CTHRC1: variants seen among roughly 807,000 people sequenced by gnomAD.
CTHRC1 encodes the protein collagen triple helix repeat containing 1, also known as collagen triple helix repeat-containing protein 1.
CTHRC1 carries 21 observed loss-of-function variants against 25.9 expected under a neutral mutation model. That is an observed-to-expected ratio of 0.81 (90% CI 0.57 to 1.17). CTHRC1 has a LOEUF of 1.17. Among genes scored for constraint, CTHRC1 ranks in the 50% most tolerant of loss-of-function variants. The probability of loss-of-function intolerance (pLI) is 0.00; values close to 1 mark genes in which losing one functional copy is unlikely to be tolerated. For synonymous variants in CTHRC1, 109 were observed against 113.1 expected (o/e 0.96, Z 0.23); for missense variants, 281 against 304.3 (o/e 0.92, Z 0.57).
chr8:103,374,076 C>CT (rs779672154), intron 1 of CTHRC1, among the ~76,000 whole-genome samples: 85 of 151,828 alleles, frequency 5.6e-4, no homozygotes, highest in African/African-American at 1.8e-3. Flanking sequence ...TTTTTCTTTT[C>CT]TTTTTTTTAA....
At position 103,371,663 on chromosome 8, in the gene CTHRC1, C is replaced by A. The variant is rs1815700502; in HGVS notation, c.7C>A (p.Pro3Thr). 1 of 1,533,792 alleles carries A rather than the reference C, an allele frequency of 6.5e-7. No homozygotes were observed. Among genetic ancestry groups the A allele is most frequent in the Non-Finnish European group, 8.8e-7 (1 of 1,141,444 alleles). The change falls in exon 1 of 4, where the codon CCC becomes ACC. Residue 3 changes from proline (P) to threonine (T), a missense_variant. Pro to Thr is a conservative substitution (Grantham distance 38). Coordinates refer to ENST00000330295, the MANE Select transcript of CTHRC1 (RefSeq NM_138455.4). ...TGCCCGGCAGCCGGGAGCCATGCGA[C>A]CCCAGGGCCCCGCCGCCTCCCCGCA... MR[P>T]QGPAASPQRL...
chr8:103,382,857 A>G lies in CTHRC1; in HGVS notation c.*257A>G, dbSNP rs1815938480. On this transcript the variant is annotated 3_prime_UTR_variant, in exon 4 of 4. Transcript: ENST00000330295. ...ACATTCTCTCAACCTATAATTTGGA[A>G]TATTGTTGTGGTCTTTTGTTTTTTC... 2.5e-6 allele frequency: 1 copy of G among 403,046 alleles called. No homozygotes were observed. The highest frequency in any genetic ancestry group is 2.0e-5 in the African/African-American group (1 of 49,122). 25.0% of individuals were successfully genotyped at this position (403,046 alleles called of 1,614,324 possible).
At chr8:103,373,443 C>CT (rs33982219) in intron 1 of CTHRC1, among the ~76,000 whole-genome samples, 39,017 of 149,282 alleles carry the variant, frequency 0.26, 5,901 homozygotes, top group African/African-American at 0.43. Context: ...CCCTTCACAT[C>CT]TTTTTTTTTT....
intron 2 of CTHRC1, 148 bp from the exon 3 acceptor site, chr8:103,377,879 C>T: frequency 1.4e-6 from 1 of 714,634 alleles, no homozygotes; most frequent in Non-Finnish European, 2.4e-6. Context: ...GCTGGGATTA[C>T]AGGTATGAGC....
chr8:103,378,670 G>A (rs938497141), intron 3 of CTHRC1, among the ~76,000 whole-genome samples: 5 of 152,084 alleles, frequency 3.3e-5, no homozygotes, highest in Admixed American at 6.6e-5. Context: ...ACCCTTCCAG[G>A]GAGTCAGATT....
rs112828805 is a variant in CTHRC1 at position 103,374,807 on chromosome 8, T to C, written c.151-931T>C. ...ATACAAACCCTATAAAGTAAGACTC[T>C]TTATTATTATCCACATTTTACAGAT... On this transcript the variant is annotated intron_variant, in intron 1 of 3. Transcript: ENST00000330295. Among the ~76,000 whole-genome samples the C allele has an allele frequency of 4.3e-3, 659 of 152,322 alleles. 4 individuals carry two copies. Among genetic ancestry groups the C allele is most frequent in the African/African-American group, 0.015 (624 of 41,564 alleles).
rs550486218 is a variant in CTHRC1, at chr8:103,373,145, A to G, written c.150+1339A>G. Among the ~76,000 whole-genome samples the G allele has an allele frequency of 8.5e-5, 13 of 152,242 alleles. No individual in the cohort carries two copies. The South Asian group carries it at 2.7e-3, about 32-fold the overall frequency. The stretch of plus-strand genomic sequence containing the variant: ...TGTAGTTATGATACACAAAATACCC[A>G]TTTTTCCTGTGAAGCTTGCTATTTT... On this transcript the variant is annotated intron_variant, in intron 1 of 3. Transcript: ENST00000330295.
chr8:103,382,665 A>G lies in CTHRC1; in HGVS notation c.*65A>G. ...CCTTGGAATGGTTCACTTAAATGAC[A>G]TTTTAAATAAGTTTATGTATACATC... On this transcript the variant is annotated 3_prime_UTR_variant, in exon 4 of 4. Transcript: ENST00000330295. 1 of 1,384,592 alleles carries G rather than the reference A, an allele frequency of 7.2e-7. No individual in the cohort carries two copies. The highest frequency in any genetic ancestry group is 1.4e-5 in the African/African-American group (1 of 70,438). The allele number at this position is 1,384,592 out of a possible 1,614,324, so 85.8% of individuals were successfully genotyped here.
intron 3 of CTHRC1, among the ~76,000 whole-genome samples, chr8:103,378,644 A>T (rs567108836): frequency 1.2e-4 from 18 of 152,308 alleles, no homozygotes; most frequent in Non-Finnish European, 2.2e-4. Flanking sequence ...GAACTTTAAA[A>T]AGAAATGCCT....
At chr8:103,381,566 G>C (rs184090582) in intron 3 of CTHRC1, among the ~76,000 whole-genome samples, 1 of 152,126 alleles carries the variant, frequency 6.6e-6, no homozygotes, top group East Asian at 1.9e-4. Context: ...TAATTGTAAT[G>C]CATAAAAACA....
intron 3 of CTHRC1, among the ~76,000 whole-genome samples, chr8:103,379,503 C>T (rs946321122): frequency 6.6e-6 from 1 of 151,914 alleles, no homozygotes; most frequent in African/African-American, 2.4e-5. Flanking sequence ...TTAATCTCAT[C>T]CTCCAGAGAC....
Position 103,371,727 on chromosome 8 carries a change from T to C in CTHRC1, c.71T>C (p.Leu24Pro), listed in dbSNP as rs1279150022. The change falls in exon 1 of 4, where the codon CTG (leucine) becomes CCG (proline). Residue 24 changes from leucine (L) to proline (P), a missense_variant. Leu to Pro is a moderately conservative substitution (Grantham distance 98). Coordinates refer to ENST00000330295, the MANE Select transcript of CTHRC1 (RefSeq NM_138455.4). ...CTCCTGCTGCTCCTGCTGCTGCAGCTGCCCGCGCCGTCGAGCGCCTCTGAG... is the reference window on the plus strand; with the variant it reads ...CTCCTGCTGCTCCTGCTGCTGCAGCCGCCCGCGCCGTCGAGCGCCTCTGAG... ...RGLLLLLLLQLPAPSSASEIP... is the reference protein window; with the variant it reads ...RGLLLLLLLQPPAPSSASEIP... 2 of 1,535,992 alleles carry C rather than the reference T, an allele frequency of 1.3e-6. No homozygotes were observed. Among genetic ancestry groups the C allele is most frequent in the Admixed American group, 2.0e-5 (1 of 50,062 alleles).
At chr8:103,375,523 G>A (rs1024652663) in intron 1 of CTHRC1, among the ~76,000 whole-genome samples, 7 of 152,104 alleles carry the variant, frequency 4.6e-5, no homozygotes, top group Admixed American at 2.6e-4. Flanking sequence ...GTGTGTGTGC[G>A]TGTAAAGTCT....
intron 3 of CTHRC1, among the ~76,000 whole-genome samples, chr8:103,380,501 C>T (rs1815887774): frequency 6.6e-6 from 1 of 152,200 alleles, no homozygotes; most frequent in African/African-American, 2.4e-5. Flanking sequence ...CAGAGGATGG[C>T]TTAAAGCCTT....
At position 103,382,652 on chromosome 8, in the gene CTHRC1, T is replaced by G. The variant is rs764064307; in HGVS notation, c.*52T>G. The G allele has an allele frequency of 4.1e-6, 6 of 1,459,436 alleles. No homozygotes were observed. Among genetic ancestry groups the G allele is most frequent in the Non-Finnish European group, 4.8e-6 (5 of 1,039,714 alleles). The allele number at this position is 1,459,436 out of a possible 1,614,324, so 90.4% of individuals were successfully genotyped here. On this transcript the variant is annotated 3_prime_UTR_variant, in exon 4 of 4. Coordinates refer to ENST00000330295, the MANE Select transcript of CTHRC1 (RefSeq NM_138455.4). ...TTTTTTTATTATGCCTTGGAATGGT[T>G]CACTTAAATGACATTTTAAATAAGT...
intron 1 of CTHRC1, among the ~76,000 whole-genome samples, chr8:103,375,018 C>A (rs531881252): frequency 6.6e-6 from 1 of 152,166 alleles, no homozygotes; most frequent in African/African-American, 2.4e-5. Flanking sequence ...TGTGGATGGT[C>A]CCCTATTGAG....
At chr8:103,376,080 C>T (rs1815802435) in intron 2 of CTHRC1, 121 bp downstream of exon 2, 1 of 752,228 alleles carries the variant, frequency 1.3e-6, no homozygotes, top group Non-Finnish European at 2.3e-6. Flanking sequence ...AAGTAGGTAG[C>T]ATGTGACTTT....
At chr8:103,376,843 A>G (rs1815814009) in intron 2 of CTHRC1, among the ~76,000 whole-genome samples, 1 of 152,238 alleles carries the variant, frequency 6.6e-6, no homozygotes. Context: ...GTTTTGTGAT[A>G]GAATTTCCAT....
intron 1 of CTHRC1, among the ~76,000 whole-genome samples, chr8:103,373,624 G>A (rs756240048): frequency 2.0e-5 from 3 of 150,210 alleles, no homozygotes; most frequent in Non-Finnish European, 4.4e-5. Flanking sequence ...CAATGGACAT[G>A]TTGGGCCAGA....
Sources: gnomAD v4.1 joint callset for allele counts (sites outside exome capture counted in the v4.1 genomes callset) on GRCh38, gnomAD v4.1.1 for gene constraint, MANE v1.5 for transcripts, NCBI Gene and HGNC (gene_info 2026-07-23, HGNC 2026-07-21) for gene names.